DTNA: variants seen among roughly 807,000 people sequenced by gnomAD.
DTNA encodes the protein dystrobrevin alpha.
In DTNA, 43 loss-of-function variants were observed where a neutral mutation model predicts 100.7. The observed-to-expected ratio is 0.43, with a 90% confidence interval of 0.33 to 0.55. The LOEUF is 0.55. Among genes scored for constraint, DTNA ranks in the 20% least tolerant of loss-of-function variants. The probability of loss-of-function intolerance (pLI) is 0.04; values close to 1 mark genes in which losing one functional copy is unlikely to be tolerated. For synonymous variants in DTNA, 349 were observed against 347.9 expected (o/e 1.00, Z -0.04); for missense variants, 798 against 953.9 (o/e 0.84, Z 2.15).
At chr18:34,811,907 CAG>C in intron 5 of DTNA, 50 bp from the exon 6 acceptor site, 2 of 1,607,332 alleles carry the variant, frequency 1.2e-6, no homozygotes, top group Non-Finnish European at 1.7e-6. Context: ...TGAACAAAAA[CAG>C]TGGAGAATGT....
At chr18:34,642,379 T>C (rs1030391945) in intron 1 of DTNA, among the ~76,000 whole-genome samples, 1 of 152,176 alleles carries the variant, frequency 6.6e-6, no homozygotes, top group Non-Finnish European at 1.5e-5. Context: ...GGAAGAGTAC[T>C]TTTCTTTACT....
chr18:34,864,288 T>C (rs1446413493), intron 17 of DTNA, among the ~76,000 whole-genome samples: 1 of 150,058 alleles, frequency 6.7e-6, no homozygotes, highest in Admixed American at 6.6e-5. Flanking sequence ...TCTTGCTCTG[T>C]CGCCCAGGCT....
At position 34,752,444 on chromosome 18, in the gene DTNA, C is replaced by T. The variant is rs191442092; in HGVS notation, c.-1-3532C>T. 1.8e-3 allele frequency among the ~76,000 whole-genome samples: 274 copies of T among 152,274 alleles called. 1 individual carries two copies. The highest frequency in any genetic ancestry group is 3.1e-3 in the Non-Finnish European group (212 of 68,024). ...GAGAGTTAAATTGGAAACCAAGGAG[C>T]CCACAGTGGTGTTCCCTGCCTGTTG... On this transcript the variant is annotated intron_variant, in intron 1 of 22. Coordinates refer to ENST00000444659, the MANE Select transcript of DTNA (RefSeq NM_001386795.1).
At chr18:34,731,481 G>A (rs1022051016) in intron 1 of DTNA, among the ~76,000 whole-genome samples, 2 of 147,094 alleles carry the variant, frequency 1.4e-5, no homozygotes, top group East Asian at 2.0e-4. Context: ...GCGAGACTCC[G>A]TCTCAAAAAA....
intron 17 of DTNA, chr18:34,867,485 A>G (rs964238379): frequency 7.5e-6 from 9 of 1,207,596 alleles, no homozygotes; most frequent in South Asian, 4.3e-5. Flanking sequence ...TGTATTTCCA[A>G]TACACTTAGA....
At chr18:34,841,597 T>A (rs930668585) in intron 13 of DTNA, among the ~76,000 whole-genome samples, 1 of 152,172 alleles carries the variant, frequency 6.6e-6, no homozygotes, top group African/African-American at 2.4e-5. Flanking sequence ...TTCCACACAT[T>A]ATTTAATTTA....
chr18:34,705,288 G>C (rs1459295308), intron 1 of DTNA, among the ~76,000 whole-genome samples: 1 of 151,876 alleles, frequency 6.6e-6, no homozygotes, highest in African/African-American at 2.4e-5. Flanking sequence ...CGTGTGGGTT[G>C]TCCCTGATAA....
At chr18:34,819,253 T>C (rs1489002101) in intron 8 of DTNA, among the ~76,000 whole-genome samples, 1 of 152,210 alleles carries the variant, frequency 6.6e-6, no homozygotes, top group Admixed American at 6.5e-5. Flanking sequence ...AGAATATACA[T>C]CTTAAATCAA....
chr18:34,530,284 T>C (rs1488207799), intron 1 of DTNA, among the ~76,000 whole-genome samples: 1 of 152,144 alleles, frequency 6.6e-6, no homozygotes, highest in African/African-American at 2.4e-5. Flanking sequence ...GACACTGTAA[T>C]AAAAATGGTA....
chr18:34,867,629 G>A (rs577691577), intron 17 of DTNA: 4 of 998,698 alleles, frequency 4.0e-6, no homozygotes, highest in East Asian at 2.0e-4. Flanking sequence ...CTAGCAGAGA[G>A]AGAGGGCAAT....
Position 34,890,539 on chromosome 18 carries a change from C to A in DTNA, c.*2805C>A. On this transcript the variant is annotated 3_prime_UTR_variant, in exon 23 of 23. Coordinates refer to ENST00000444659, the MANE Select transcript of DTNA (RefSeq NM_001386795.1). ...GTTCCACAATGAATTGCACATCCAT[C>A]TCCATCAGAGCTGATAGCCTGTTAA... The A allele has an allele frequency of 6.6e-7, 1 of 1,504,122 alleles. No individual in the cohort carries two copies. Among genetic ancestry groups the A allele is most frequent in the Non-Finnish European group, 8.9e-7 (1 of 1,123,936 alleles). The allele number at this position is 1,504,122 out of a possible 1,614,324, so 93.2% of individuals were successfully genotyped here.
At position 34,519,286 on chromosome 18, in the gene DTNA, C is replaced by T. The variant is rs2041949946; in HGVS notation, c.-2+25772C>T. Among the ~76,000 whole-genome samples the T allele has an allele frequency of 2.0e-5, 3 of 152,108 alleles. No individual in the cohort carries two copies. The South Asian group carries it at 6.2e-4, about 32-fold the overall frequency. On this transcript the variant is annotated intron_variant, in intron 1 of 19. Transcript: ENST00000283365. Reference sequence around the variant, plus strand: ...GAAAATCACCAGAAATCACTTACAGCTAAGGAAAGATGTTATAAATTTAGG... The same window carrying T: ...GAAAATCACCAGAAATCACTTACAGTTAAGGAAAGATGTTATAAATTTAGG...
intron 1 of DTNA, among the ~76,000 whole-genome samples, chr18:34,598,058 C>T (rs61043149): frequency 6.6e-6 from 1 of 152,116 alleles, no homozygotes; most frequent in Non-Finnish European, 1.5e-5. Flanking sequence ...TTAATATATT[C>T]TTTTCCATTC....
intron 11 of DTNA, among the ~76,000 whole-genome samples, chr18:34,830,767 T>C (rs2095989799): frequency 6.6e-6 from 1 of 152,216 alleles, no homozygotes; most frequent in Non-Finnish European, 1.5e-5. Context: ...ACATAATTGA[T>C]GGACCGATTC....
At chr18:34,884,911 C>A (rs907248282) in intron 22 of DTNA, 135 bp downstream of exon 22, 152 of 1,074,746 alleles carry the variant, frequency 1.4e-4, no homozygotes, top group Non-Finnish European at 2.0e-4. Flanking sequence ...CTGCTGATAT[C>A]GAAGAGTCGT....
intron 1 of DTNA, among the ~76,000 whole-genome samples, chr18:34,731,552 A>T (rs2088231738): frequency 6.6e-6 from 1 of 152,242 alleles, no homozygotes; most frequent in South Asian, 2.1e-4. Flanking sequence ...CACAAAGTAC[A>T]GCACATAGCA....
chr18:34,594,865 C>A (rs1046711725), intron 1 of DTNA, among the ~76,000 whole-genome samples: 1 of 152,086 alleles, frequency 6.6e-6, no homozygotes, highest in African/African-American at 2.4e-5. Flanking sequence ...GACTACTCAG[C>A]GCCCCCGTTT....
intron 13 of DTNA, among the ~76,000 whole-genome samples, chr18:34,841,832 A>G (rs1225203683): frequency 6.6e-6 from 1 of 152,120 alleles, no homozygotes; most frequent in African/African-American, 2.4e-5. Context: ...AATCCTGATT[A>G]ACTCTGTGTG....
intron 3 of DTNA, among the ~76,000 whole-genome samples, chr18:34,791,208 C>G (rs781599977): frequency 9.9e-5 from 15 of 152,190 alleles, no homozygotes; most frequent in Non-Finnish European, 1.8e-4. Context: ...ATTTAAGCAT[C>G]CAGATTCCCT....
Sources: allele counts gnomAD v4.1 joint callset (sites outside exome capture counted in the v4.1 genomes callset), GRCh38; gene constraint gnomAD v4.1.1; transcripts MANE v1.5; gene names NCBI Gene and HGNC (gene_info 2026-07-23, HGNC 2026-07-21).